The following PLCL1 variants were observed in gnomAD, a reference collection of about 807,000 sequenced individuals.
PLCL1 encodes the protein inactive phospholipase C-like protein 1.
A neutral mutation model predicts 84.4 loss-of-function variants in PLCL1; 41 were observed. The ratio of observed to expected loss-of-function variants is 0.49; its 90% CI spans 0.38 to 0.63. The LOEUF is 0.63. Among genes scored for constraint, PLCL1 ranks in the 30% least tolerant of loss-of-function variants. The pLI, the probability that PLCL1 is intolerant of heterozygous loss-of-function variation, is 0.00. For synonymous variants in PLCL1, 490 were observed against 488.3 expected, an observed-to-expected ratio of 1.00 and a Z score of -0.05; for missense variants, 1,206 against 1,367.8, an observed-to-expected ratio of 0.88 and a Z score of 1.87.
chr2:197,950,869 T>A (rs941588737), intron 1 of PLCL1, among the ~76,000 whole-genome samples: 1 of 152,094 alleles, frequency 6.6e-6, no homozygotes, highest in East Asian at 1.9e-4. Flanking sequence ...GTAATAAAAT[T>A]GCATTGCAAA....
rs556069816 is a variant in PLCL1, at chr2:198,001,161, A to T, written c.241-82597A>T. Among the ~76,000 whole-genome samples the T allele has an allele frequency of 8.5e-5, 13 of 152,280 alleles. No homozygotes were observed. In the South Asian group the frequency reaches 2.7e-3, roughly 32 times the overall value. Reference sequence around the variant, plus strand: ...TACCTGGTTTATGCATTCCTATTGTATCTGTAAGTTGGAGATGACACTGTG... The same window carrying T: ...TACCTGGTTTATGCATTCCTATTGTTTCTGTAAGTTGGAGATGACACTGTG... On this transcript the variant is annotated intron_variant, in intron 1 of 5. Coordinates refer to ENST00000428675, the MANE Select transcript of PLCL1 (RefSeq NM_006226.4).
intron 5 of PLCL1, among the ~76,000 whole-genome samples, chr2:198,121,319 T>C (rs947395306): frequency 6.6e-6 from 1 of 152,112 alleles, no homozygotes; most frequent in Non-Finnish European, 1.5e-5. Context: ...TTTAACTTGA[T>C]GTGATTTCAG....
chr2:197,834,533 C>A (rs1365043754), intron 1 of PLCL1, among the ~76,000 whole-genome samples: 2 of 152,142 alleles, frequency 1.3e-5, no homozygotes, highest in African/African-American at 4.8e-5. Context: ...ATGTGGCCAA[C>A]AAACATACGA....
intron 1 of PLCL1, among the ~76,000 whole-genome samples, chr2:198,025,028 A>G (rs1691230686): frequency 6.6e-6 from 1 of 152,102 alleles, no homozygotes. Context: ...TACTTGATGT[A>G]TAATTAGGCT....
chr2:197,870,084 C>T (rs1016979698), intron 1 of PLCL1, among the ~76,000 whole-genome samples: 29 of 151,894 alleles, frequency 1.9e-4, no homozygotes, highest in Admixed American at 1.6e-3. Flanking sequence ...TTTGTGTCTC[C>T]GTGGAGTTAA....
intron 1 of PLCL1, among the ~76,000 whole-genome samples, chr2:197,848,515 C>G (rs757095274): frequency 6.6e-5 from 10 of 151,954 alleles, no homozygotes; most frequent in Non-Finnish European, 1.3e-4. Flanking sequence ...AGGACTAGGC[C>G]GAGGTAGTTT....
At chr2:197,937,878 T>C (rs1689081228) in intron 1 of PLCL1, among the ~76,000 whole-genome samples, 1 of 152,114 alleles carries the variant, frequency 6.6e-6, no homozygotes, top group Non-Finnish European at 1.5e-5. Context: ...TGTACAGGAA[T>C]GAATGAAGGA....
intron 1 of PLCL1, among the ~76,000 whole-genome samples, chr2:197,811,009 T>A (rs2106414241): frequency 6.6e-6 from 1 of 152,322 alleles, no homozygotes; most frequent in Non-Finnish European, 1.5e-5. Flanking sequence ...AGGTAATAAA[T>A]CAATAAACTT....
intron 2 of PLCL1, among the ~76,000 whole-genome samples, chr2:198,087,071 C>T (rs1692905135): frequency 6.6e-6 from 1 of 152,114 alleles, no homozygotes; most frequent in Non-Finnish European, 1.5e-5. Context: ...AAAATTGGCA[C>T]TCAAACTGGT....
intron 1 of PLCL1, among the ~76,000 whole-genome samples, chr2:197,887,428 G>A (rs1687942954): frequency 6.6e-6 from 1 of 152,028 alleles, no homozygotes; most frequent in African/African-American, 2.4e-5. Flanking sequence ...CAAATTCCAA[G>A]GAGAGGAATT....
At chr2:198,020,876 C>T (rs1691117634) in intron 1 of PLCL1, among the ~76,000 whole-genome samples, 1 of 152,148 alleles carries the variant, frequency 6.6e-6, no homozygotes, top group South Asian at 2.1e-4. Flanking sequence ...AGGACTGGAA[C>T]TCAGCTCTAG....
intron 3 of PLCL1, among the ~76,000 whole-genome samples, chr2:198,096,013 G>A (rs538152080): frequency 6.6e-6 from 1 of 152,180 alleles, no homozygotes; most frequent in Non-Finnish European, 1.5e-5. Context: ...ATGCCATTTT[G>A]TATATGTCTT....
intron 1 of PLCL1, among the ~76,000 whole-genome samples, chr2:197,923,197 G>C (rs1402779224): frequency 6.9e-6 from 1 of 145,176 alleles, no homozygotes; most frequent in African/African-American, 2.5e-5. Context: ...GCGGCTGGCC[G>C]GGCGGGGGGC....
At chr2:197,923,024 C>A (rs1414952786) in intron 1 of PLCL1, among the ~76,000 whole-genome samples, 3 of 107,708 alleles carry the variant, frequency 2.8e-5, no homozygotes, top group African/African-American at 7.1e-5. Context: ...CCAGTAGGGG[C>A]GGCCGGGCAG....
intron 1 of PLCL1, among the ~76,000 whole-genome samples, chr2:198,083,243 T>G (rs534828835): frequency 2.0e-5 from 3 of 152,314 alleles, no homozygotes; most frequent in East Asian, 1.9e-4. Context: ...TCAAGACACC[T>G]TGAAATAGCT....
chr2:198,084,818 C>T lies in PLCL1; in HGVS notation c.1301C>T (p.Ala434Val). 1 of 1,613,966 alleles carries T rather than the reference C, an allele frequency of 6.2e-7. No homozygotes were observed. Among genetic ancestry groups the T allele is most frequent in the Non-Finnish European group, 8.5e-7 (1 of 1,179,930 alleles). The change falls in exon 2 of 6, where the codon GCT (alanine) becomes GTT (valine). Residue 434 changes from alanine (A) to valine (V), a missense_variant. By Grantham distance (64) the Ala-to-Val change is moderately conservative. Transcript: ENST00000428675. ...GCTGACATCAATGGGTACATTAGAG[C>T]TTTGAAAATGGGCTGTCGAAGCGTT... ...GPADINGYIR[A>V]LKMGCRSVEL...
intron 1 of PLCL1, among the ~76,000 whole-genome samples, chr2:198,026,349 G>A (rs1173500717): frequency 6.6e-6 from 1 of 152,104 alleles, no homozygotes; most frequent in Non-Finnish European, 1.5e-5. Flanking sequence ...ATTTTTCATG[G>A]AGCATGTTTT....
At position 198,084,082 on chromosome 2, in the gene PLCL1, G is replaced by A; in HGVS notation, c.565G>A (p.Ala189Thr). The part of the protein sequence containing the change: ...GLADQICEDC[A>T]FSILHGENYE... ...TGCTGACCAGATCTGTGAGGACTGT[G>A]CCTTTTCCATACTCCACGGGGAAAA... Residue 189 changes from alanine (A) to threonine (T), a missense_variant, in exon 2 of 6, where the codon GCC (alanine) becomes ACC (threonine). Physicochemically the swap from Ala to Thr is moderately conservative, Grantham distance 58. Coordinates refer to ENST00000428675, the MANE Select transcript of PLCL1 (RefSeq NM_006226.4). 4 of 1,614,150 alleles carry A rather than the reference G, an allele frequency of 2.5e-6. No individual in the cohort carries two copies. The highest frequency in any genetic ancestry group is 3.4e-6 in the Non-Finnish European group (4 of 1,179,980).
At chr2:197,841,161 T>C (rs1686992962) in intron 1 of PLCL1, among the ~76,000 whole-genome samples, 3 of 152,238 alleles carry the variant, frequency 2.0e-5, no homozygotes, top group Admixed American at 2.0e-4. Flanking sequence ...TTTGTTACTT[T>C]GATAAGCCAA....
Sources: allele counts gnomAD v4.1 joint callset (sites outside exome capture counted in the v4.1 genomes callset), GRCh38; gene constraint gnomAD v4.1.1; transcripts MANE v1.5; gene names NCBI Gene and HGNC (gene_info 2026-07-23, HGNC 2026-07-21).